The following UBAP2L variants were observed in gnomAD, a reference collection of about 807,000 sequenced individuals.
UBAP2L encodes the protein ubiquitin associated protein 2 like, also known as ubiquitin-associated protein 2-like.
Under a neutral mutation model 130.6 loss-of-function variants are expected in UBAP2L, and 12 were observed. The ratio of observed to expected loss-of-function variants is 0.09; its 90% CI spans 0.06 to 0.15. The LOEUF is 0.15. UBAP2L is among the 10% of genes least tolerant of loss of function. The pLI, the probability that UBAP2L is intolerant of heterozygous loss-of-function variation, is 1.00. For missense variants in UBAP2L, 965 were observed against 1,332.5 expected, an observed-to-expected ratio of 0.72 and a Z score of 4.29; for synonymous variants, 503 against 524.7, an observed-to-expected ratio of 0.96 and a Z score of 0.57.
chr1:154,265,146 C>T (rs746538531), intron 24 of UBAP2L, among the ~76,000 whole-genome samples: 8 of 152,162 alleles, frequency 5.3e-5, no homozygotes, highest in Non-Finnish European at 1.2e-4. Flanking sequence ...ACTATCTGGA[C>T]TTAGGATGTT....
intron 1 of UBAP2L, 109 bp from the exon 2 acceptor site, chr1:154,224,975 A>G (rs1667464868): frequency 1.5e-6 from 1 of 647,048 alleles, no homozygotes; most frequent in Non-Finnish European, 2.6e-6. Flanking sequence ...AATCTTATTG[A>G]TTTGTTCCTT....
At chr1:154,258,461 A>T (rs1680414742) in intron 20 of UBAP2L, among the ~76,000 whole-genome samples, 1 of 152,176 alleles carries the variant, frequency 6.6e-6, no homozygotes, top group Non-Finnish European at 1.5e-5. Context: ...AAGATGAAGG[A>T]TATATGGAAA....
At chr1:154,237,910 G>C (rs1028389332) in intron 8 of UBAP2L, among the ~76,000 whole-genome samples, 1 of 152,186 alleles carries the variant, frequency 6.6e-6, no homozygotes, top group Non-Finnish European at 1.5e-5. Context: ...AATAAGAGCA[G>C]TTCATTTTAG....
At chr1:154,225,363 T>C (rs1667570602) in intron 2 of UBAP2L, 150 bp downstream of exon 2, 2 of 793,232 alleles carry the variant, frequency 2.5e-6, no homozygotes, top group Non-Finnish European at 4.0e-6. Flanking sequence ...ACTTAGGTCC[T>C]GATAACTGTT....
chr1:154,225,237 T>C (rs1667530173), intron 2 of UBAP2L, 24 bp downstream of exon 2: 1 of 1,612,130 alleles, frequency 6.2e-7, no homozygotes, highest in African/African-American at 1.3e-5. Flanking sequence ...GGCATACGGA[T>C]TCATGGATAG....
chr1:154,222,358 C>A (rs1366521823), intron 1 of UBAP2L, among the ~76,000 whole-genome samples: 1 of 151,824 alleles, frequency 6.6e-6, no homozygotes, highest in East Asian at 1.9e-4. Context: ...CCAATGATTA[C>A]AGAGAATTAA....
At chr1:154,254,176 T>TGGTG in intron 15 of UBAP2L, 87 bp downstream of exon 15, 2 of 1,240,074 alleles carry the variant, frequency 1.6e-6, no homozygotes, top group Non-Finnish European at 2.1e-6. Flanking sequence ...TTTCAGCAAG[T>TGGTG]GGTGCTAAGA....
intron 21 of UBAP2L, 56 bp from the exon 22 acceptor site, chr1:154,259,890 ACT>A: frequency 6.6e-7 from 1 of 1,523,808 alleles, no homozygotes; most frequent in South Asian, 1.1e-5. Context: ...TGGAAATAGT[ACT>A]CATGCTGGGG....
chr1:154,268,723 C>T, intron 25 of UBAP2L, 34 bp from the exon 26 acceptor site: 2 of 1,611,056 alleles, frequency 1.2e-6, no homozygotes, highest in Non-Finnish European at 1.7e-6. Context: ...TTGCTGATCC[C>T]TTTTACTCTG....
At chr1:154,224,171 CTTTAAAGA>C in intron 1 of UBAP2L, among the ~76,000 whole-genome samples, 1 of 152,286 alleles carries the variant, frequency 6.6e-6, no homozygotes, top group East Asian at 1.9e-4. Flanking sequence ...TTCTGTGTCT[CTTTAAAGA>C]CTCAACTAAG....
chr1:154,243,412 C>T, intron 10 of UBAP2L, 110 bp downstream of exon 10: 3 of 849,082 alleles, frequency 3.5e-6, no homozygotes, highest in Admixed American at 5.2e-5. Flanking sequence ...ATAATAATAA[C>T]CAAATTACAT....
Position 154,246,342 on chromosome 1 carries a change from T to C in UBAP2L, c.981T>C (p.Pro327=), listed in dbSNP as rs746025084. Residue 327 remains proline (P), a synonymous_variant, in exon 11 of 27, where the codon CCT becomes CCC. Coordinates refer to ENST00000428931, the MANE Select transcript of UBAP2L (RefSeq NM_014847.4). ...CGAAGCAGACTGCCATATCACAGCC[T>C]GCTTCAGGGAACACATTTTCTCATC... ...SNSKQTAISQ[P]ASGNTFSHHS... is the part of the protein sequence containing the mutation. The C allele has an allele frequency of 6.2e-7, 1 of 1,613,358 alleles. No individual in the cohort carries two copies. Among genetic ancestry groups the C allele is most frequent in the Non-Finnish European group, 8.5e-7 (1 of 1,179,680 alleles).
intron 2 of UBAP2L, among the ~76,000 whole-genome samples, chr1:154,225,733 A>C (rs552392830): frequency 2.7e-4 from 41 of 152,084 alleles, no homozygotes; most frequent in African/African-American, 9.9e-4. Context: ...CGGCTCTATA[A>C]CTCTTAAGAT....
At chr1:154,238,122 G>GT (rs1234957819) in intron 8 of UBAP2L, among the ~76,000 whole-genome samples, 4 of 152,162 alleles carry the variant, frequency 2.6e-5, no homozygotes, top group Non-Finnish European at 5.9e-5. Context: ...GGCACAAATA[G>GT]TTTTCCACCT....
At position 154,263,378 on chromosome 1, in the gene UBAP2L, G is replaced by A. The variant is rs951008598; in HGVS notation, c.2902+1681G>A. On this transcript the variant is annotated intron_variant, in intron 24 of 26. Coordinates refer to ENST00000428931, the MANE Select transcript of UBAP2L (RefSeq NM_014847.4). ...TGTCTTACCCATTTCAAGTTCAAGC[G>A]GTGCAGCACCTTCGAAGCATCAATG... 7 of 1,332,776 alleles carry A rather than the reference G, an allele frequency of 5.3e-6. No individual in the cohort carries two copies. In the African/African-American group the frequency reaches 7.6e-5, roughly 14 times the overall value. The allele number at this position is 1,332,776 out of a possible 1,614,324, so 82.6% of individuals were successfully genotyped here.
chr1:154,247,711 A>C (rs1157992457), intron 11 of UBAP2L, among the ~76,000 whole-genome samples: 2 of 151,990 alleles, frequency 1.3e-5, no homozygotes, highest in Non-Finnish European at 2.9e-5. Flanking sequence ...CCTGGGTGAC[A>C]GAATGAAACC....
chr1:154,241,470 C>T lies in UBAP2L; in HGVS notation c.704-43C>T, dbSNP rs1673614454. On this transcript the variant is annotated intron_variant, in intron 8 of 26. Transcript: ENST00000428931. ...GTTTTCTATACATGCTTTGTACTGG[C>T]ATTTAATAGTGAAGTTACTTCACTA... is the stretch of plus-strand genomic sequence containing the variant. 2.5e-6 allele frequency: 4 copies of T among 1,580,384 alleles called. No homozygotes were observed. The Admixed American group carries it at 6.7e-5, about 27-fold the overall frequency.
At position 154,259,934 on chromosome 1, in the gene UBAP2L, C is replaced by A. The variant is rs545074271; in HGVS notation, c.2497-14C>A. The A allele has an allele frequency of 6.7e-5, 108 of 1,611,808 alleles. No homozygotes were observed. Among genetic ancestry groups the A allele is most frequent in the Non-Finnish European group, 9.0e-5 (106 of 1,178,322 alleles). ...TGACATTGAATCTCTGCTCTTTTTT[C>A]CCCTCTTTTCTAGGATTACTACAGC... On this transcript the variant is annotated splice_polypyrimidine_tract_variant and intron_variant, in intron 21 of 26. Transcript: ENST00000428931.
Position 154,243,305 on chromosome 1 carries a change from A to G in UBAP2L, c.842+3A>G. The G allele has an allele frequency of 6.2e-7, 1 of 1,610,834 alleles. No homozygotes were observed. The highest frequency in any genetic ancestry group is 2.2e-5 in the East Asian group (1 of 44,856). ...GTGACAATCACTGCTGGTCAGAGGC[A>G]AGTGTGCAGTAAAATTTAGTACCAT... On this transcript the variant is annotated splice_donor_region_variant and intron_variant, in intron 10 of 26. Coordinates refer to ENST00000428931, the MANE Select transcript of UBAP2L (RefSeq NM_014847.4).
Sources: allele counts gnomAD v4.1 joint callset (sites outside exome capture counted in the v4.1 genomes callset), GRCh38; gene constraint gnomAD v4.1.1; transcripts MANE v1.5; gene names NCBI Gene and HGNC (gene_info 2026-07-23, HGNC 2026-07-21).